The following TANGO2 variants were observed in gnomAD, a reference collection of about 807,000 sequenced individuals.
TANGO2 encodes transport and golgi organization 2 homolog, also known as transport and Golgi organization protein 2 homolog.
A neutral mutation model predicts 39.1 loss-of-function variants in TANGO2; 26 were observed. That is an observed-to-expected ratio of 0.67 (90% confidence interval 0.49 to 0.92). The LOEUF (loss-of-function observed/expected upper bound fraction) is 0.92. Among genes scored for constraint, TANGO2 ranks in the 40% least tolerant of loss-of-function variants. The probability of loss-of-function intolerance (pLI) is 0.00; values close to 1 mark genes in which losing one functional copy is unlikely to be tolerated. For synonymous variants in TANGO2, 131 were observed against 144.5 expected, an observed-to-expected ratio of 0.91 and a Z score of 0.67; for missense variants, 326 against 360.1, an observed-to-expected ratio of 0.91 and a Z score of 0.77.
At chr22:20,043,193 G>A (rs1332381689) in intron 2 of TANGO2, among the ~76,000 whole-genome samples, 162 bp from the exon 3 acceptor site, 1 of 152,212 alleles carries the variant, frequency 6.6e-6, no homozygotes, top group Non-Finnish European at 1.5e-5. Context: ...CTGGAGCCAC[G>A]GTGCTCCTTC....
rs2147553941 is a variant in TANGO2, at chr22:20,053,517, T to C, written c.346T>C (p.Tyr116His). 1.2e-6 allele frequency: 2 copies of C among 1,613,808 alleles called. No individual in the cohort carries two copies. The highest frequency in any genetic ancestry group is 2.2e-5 in the East Asian group (1 of 44,868). Reference protein sequence around the residue: ...LKKVSMEGHLYNGFNLIAADL... With the variant: ...LKKVSMEGHLHNGFNLIAADL... ...GAAGGTCTCTATGGAGGGCCATCTG[T>C]ACAATGGCTTCAACCTCATAGCAGC... Residue 116 changes from tyrosine (Y) to histidine (H), a missense_variant, in exon 5 of 9, where the codon TAC becomes CAC. By Grantham distance (83) the Tyr-to-His change is moderately conservative. Coordinates refer to ENST00000327374, the MANE Select transcript of TANGO2 (RefSeq NM_152906.7).
intron 6 of TANGO2, among the ~76,000 whole-genome samples, chr22:20,059,781 T>A (rs895182460): frequency 2.0e-5 from 3 of 152,198 alleles, no homozygotes; most frequent in African/African-American, 7.2e-5. Flanking sequence ...GCACAAAGCT[T>A]AAAATTTTTA....
chr22:20,053,358 AG>A, intron 4 of TANGO2, 78 bp from the exon 5 acceptor site: 4 of 947,466 alleles, frequency 4.2e-6, no homozygotes, highest in South Asian at 1.4e-5. Context: ...CATCCTCCCC[AG>A]GGGGCCCCAT....
At chr22:20,060,700 G>A (rs548432252) in intron 6 of TANGO2, among the ~76,000 whole-genome samples, 1 of 152,246 alleles carries the variant, frequency 6.6e-6, no homozygotes, top group East Asian at 1.9e-4. Flanking sequence ...CTTGGCTCTG[G>A]GGGCCCCAGC....
chr22:20,017,354 C>G (rs1452327851), upstream of TANGO2, among the ~76,000 whole-genome samples: 1 of 152,230 alleles, frequency 6.6e-6, no homozygotes. Flanking sequence ...TGCTTGAACA[C>G]AGTCGTCTGA....
Position 20,022,418 on chromosome 22 carries a change from G to C in TANGO2, c.-40+1172G>C, listed in dbSNP as rs1414387883. Among the ~76,000 whole-genome samples, 9 of 152,268 alleles carry C rather than the reference G, an allele frequency of 5.9e-5. No homozygotes were observed. In the East Asian group the frequency reaches 1.7e-3, roughly 29 times the overall value. ...CTAGTGCTCTGGTGGTCCAGGGTAG[G>C]GTGCCCTGGTGCCCCCACCCCCTTT... On this transcript the variant is annotated intron_variant, in intron 1 of 8. Transcript: ENST00000327374.
rs2041283614 is a variant in TANGO2 at position 20,028,803 on chromosome 22, G to GGGTC, written c.-40+7558_-40+7561dup. Among the ~76,000 whole-genome samples the GGGTC allele has an allele frequency of 2.6e-5, 4 of 152,334 alleles. 1 individual carries two copies. Among genetic ancestry groups the GGGTC allele is most frequent in the African/African-American group, 9.6e-5 (4 of 41,578 alleles). On this transcript the variant is annotated intron_variant, in intron 1 of 8. Coordinates refer to ENST00000327374, the MANE Select transcript of TANGO2 (RefSeq NM_152906.7). ...CACTGAGGTCTGCCTGTTCCCCACT[G>GGGTC]GGTCCTCCATTTGAGGCCCTGTCAG...
At chr22:20,028,383 G>A (rs1399066837) in intron 1 of TANGO2, among the ~76,000 whole-genome samples, 1 of 152,232 alleles carries the variant, frequency 6.6e-6, no homozygotes, top group Non-Finnish European at 1.5e-5. Flanking sequence ...CCAAAGTGCT[G>A]GGATGACAGA....
At chr22:20,056,159 C>T (rs2147643727) in intron 6 of TANGO2, 146 bp downstream of exon 6, 1 of 735,534 alleles carries the variant, frequency 1.4e-6, no homozygotes, top group Non-Finnish European at 2.4e-6. Context: ...CTGTGGGCAC[C>T]TTGCCCTGCA....
chr22:20,063,712 C>T, intron 8 of TANGO2: 4 of 397,646 alleles, frequency 1.0e-5, no homozygotes, highest in Non-Finnish European at 9.0e-6. Flanking sequence ...TGGATCCCTG[C>T]GGGCAAACGC....
intron 7 of TANGO2, chr22:20,063,072 C>T (rs946593813): frequency 2.5e-6 from 1 of 401,008 alleles, no homozygotes; most frequent in Non-Finnish European, 4.5e-6. Context: ...AGGAGAATTG[C>T]TTGAACTCGG....
At chr22:20,056,873 G>A (rs1362311935) in intron 6 of TANGO2, 2 of 456,638 alleles carry the variant, frequency 4.4e-6, no homozygotes, top group Admixed American at 4.7e-5. Context: ...GGAACTCTGT[G>A]CCTTAAACGC....
At chr22:20,019,778 G>GT (rs1410241108), upstream of TANGO2, among the ~76,000 whole-genome samples, 1 of 152,204 alleles carries the variant, frequency 6.6e-6, no homozygotes, top group African/African-American at 2.4e-5. Context: ...GATTGCATAG[G>GT]TTTGGCTGCT....
intron 3 of TANGO2, among the ~76,000 whole-genome samples, chr22:20,051,288 T>C (rs897446897): frequency 2.6e-5 from 4 of 151,822 alleles, no homozygotes; most frequent in Non-Finnish European, 5.9e-5. Context: ...TCCCAGCACT[T>C]TGGGACGCCA....
At chr22:20,031,263 G>T (rs572715024) in intron 1 of TANGO2, among the ~76,000 whole-genome samples, 53 of 152,284 alleles carry the variant, frequency 3.5e-4, no homozygotes, top group Middle Eastern at 3.4e-3. Context: ...GGAGGCTGAG[G>T]TGGGAGGATG....
chr22:20,046,919 G>A (rs1426617250), intron 3 of TANGO2, among the ~76,000 whole-genome samples: 1 of 152,098 alleles, frequency 6.6e-6, no homozygotes, highest in Non-Finnish European at 1.5e-5. Context: ...AGGTTTATTT[G>A]GCTTAGAGTT....
At chr22:20,017,708 T>A (rs1052433916), upstream of TANGO2, among the ~76,000 whole-genome samples, 4 of 152,130 alleles carry the variant, frequency 2.6e-5, no homozygotes, top group African/African-American at 9.7e-5. Context: ...CACTGCCTGT[T>A]GAGATTCACG....
At chr22:20,062,084 C>T (rs970358906) in intron 7 of TANGO2, among the ~76,000 whole-genome samples, 1 of 152,196 alleles carries the variant, frequency 6.6e-6, no homozygotes, top group Non-Finnish European at 1.5e-5. Context: ...AGGGTCAGCA[C>T]GCTCAGGGTT....
chr22:20,042,517 C>T (rs955465146), intron 2 of TANGO2, among the ~76,000 whole-genome samples: 1 of 152,092 alleles, frequency 6.6e-6, no homozygotes, highest in African/African-American at 2.4e-5. Context: ...TGTAATCCTC[C>T]GCCTCGGAGG....
Sources: allele counts gnomAD v4.1 joint callset (sites outside exome capture counted in the v4.1 genomes callset), GRCh38; gene constraint gnomAD v4.1.1; transcripts MANE v1.5; gene names NCBI Gene and HGNC (gene_info 2026-07-23, HGNC 2026-07-21).